The following STEAP3 variants were observed in gnomAD, a reference collection of about 807,000 sequenced individuals.
STEAP3 encodes the protein STEAP3 metalloreductase, also known as metalloreductase STEAP3.
STEAP3 carries 35 observed loss-of-function variants against 34.9 expected under a neutral mutation model. The observed-to-expected ratio is 1.00, with a 90% CI of 0.76 to 1.33. The LOEUF (loss-of-function observed/expected upper bound fraction) is 1.33. Among genes scored for constraint, STEAP3 ranks in the 40% most tolerant of loss-of-function variants. The probability of loss-of-function intolerance (pLI) is 0.00; values close to 1 mark genes in which losing one functional copy is unlikely to be tolerated. For synonymous variants in STEAP3, 281 were observed against 301.6 expected (o/e 0.93, Z 0.71); for missense variants, 652 against 667.6 (o/e 0.98, Z 0.26).
intron 5 of STEAP3, among the ~76,000 whole-genome samples, chr2:119,262,091 T>G (rs2104853143): frequency 6.6e-6 from 1 of 152,312 alleles, no homozygotes; most frequent in East Asian, 1.9e-4. Context: ...TGGGGCTTTC[T>G]ATACGGTGCC....
chr2:119,258,553 ATC>A (rs1261692965), intron 5 of STEAP3, among the ~76,000 whole-genome samples: 2 of 148,826 alleles, frequency 1.3e-5, no homozygotes, highest in Admixed American at 6.7e-5. Flanking sequence ...TTGTTCCCAA[ATC>A]TGTTTTCAAA....
intron 3 of STEAP3, 27 bp downstream of exon 3, chr2:119,246,015 C>A: frequency 6.3e-7 from 1 of 1,587,578 alleles, no homozygotes; most frequent in Non-Finnish European, 8.6e-7. Context: ...TAATACCCAT[C>A]GTAACAATAA....
At chr2:119,236,397 A>G (rs916434502) in intron 2 of STEAP3, among the ~76,000 whole-genome samples, 1 of 152,146 alleles carries the variant, frequency 6.6e-6, no homozygotes, top group African/African-American at 2.4e-5. Flanking sequence ...GTCTGGTGGG[A>G]TATGAAATTC....
chr2:119,256,714 T>G (rs1280746377), intron 5 of STEAP3, among the ~76,000 whole-genome samples: 1 of 152,134 alleles, frequency 6.6e-6, no homozygotes, highest in Non-Finnish European at 1.5e-5. Context: ...GTGCCTGCCT[T>G]CCATCCACAA....
intron 5 of STEAP3, among the ~76,000 whole-genome samples, chr2:119,255,827 A>G (rs1020718669): frequency 3.3e-5 from 5 of 152,178 alleles, no homozygotes; most frequent in Admixed American, 3.3e-4. Flanking sequence ...TTGTTCATTC[A>G]ACAAACATTT....
Position 119,230,853 on chromosome 2 carries a change from C to T in STEAP3, c.-160C>T. On this transcript the variant is annotated 5_prime_UTR_variant, in exon 2 of 6. Coordinates refer to ENST00000393110, the MANE Select transcript of STEAP3 (RefSeq NM_182915.3). ...CTGGCGTGCAGGCTGCGGGAGGCAG[C>T]TGGCTGTGCAAGACCCTGGCAGGGC... 1.1e-6 allele frequency: 1 copy of T among 891,140 alleles called. No individual in the cohort carries two copies. The highest frequency in any genetic ancestry group is 1.5e-5 in the South Asian group (1 of 67,528). The allele number at this position is 891,140 out of a possible 1,614,324, so 55.2% of individuals were successfully genotyped here. A position where few individuals can be genotyped will look rare whatever the true frequency, so the allele number is the denominator to read the frequency against.
rs1219721555 is a variant in STEAP3, at chr2:119,245,762, T to C, written c.296T>C (p.Val99Ala). 6.2e-7 allele frequency: 1 copy of C among 1,614,202 alleles called. No homozygotes were observed. The highest frequency in any genetic ancestry group is 1.7e-5 in the Admixed American group (1 of 60,032). Reference sequence around the variant, plus strand: ...GTGAGCTCCCCGGAGGTCATCTTTGTGGCTGTGTTCCGGGAGCACTACTCT... The same window carrying C: ...GTGAGCTCCCCGGAGGTCATCTTTGCGGCTGTGTTCCGGGAGCACTACTCT... ...EAVSSPEVIF[V>A]AVFREHYSSL... is the part of the protein sequence containing the mutation. Residue 99 changes from valine (V) to alanine (A), a missense_variant, in exon 3 of 6, where the codon GTG becomes GCG. By Grantham distance (64) the Val-to-Ala change is moderately conservative (BLOSUM62 0). Coordinates refer to ENST00000393110, the MANE Select transcript of STEAP3 (RefSeq NM_182915.3).
chr2:119,256,092 A>T (rs144554071), intron 5 of STEAP3, among the ~76,000 whole-genome samples: 98 of 152,046 alleles, frequency 6.4e-4, no homozygotes, highest in Middle Eastern at 3.4e-3. Flanking sequence ...CATCCTATCC[A>T]CCCCCACTAT....
At chr2:119,229,256 C>T (rs1158945527) in intron 1 of STEAP3, among the ~76,000 whole-genome samples, 1 of 152,198 alleles carries the variant, frequency 6.6e-6, no homozygotes, top group African/African-American at 2.4e-5. Context: ...AATTCTCGTG[C>T]CTCAGCCTCC....
intron 4 of STEAP3, among the ~76,000 whole-genome samples, chr2:119,254,068 T>C (rs1677703225): frequency 6.6e-6 from 1 of 151,954 alleles, no homozygotes; most frequent in Non-Finnish European, 1.5e-5. Context: ...TCAGTGTCTG[T>C]ATGTGTCTTT....
rs1678943930 is a variant in STEAP3, at chr2:119,223,856, T to G, written c.-426T>G. On this transcript the variant is annotated 5_prime_UTR_variant, in exon 1 of 6. Coordinates refer to ENST00000393110, the MANE Select transcript of STEAP3 (RefSeq NM_182915.3). ...ACCGCCTTCGCCGCGGACCTTCAGCTGCCGCGGTCGCTCCGAGCGGCGGGC... is the reference window on the plus strand; with the variant it reads ...ACCGCCTTCGCCGCGGACCTTCAGCGGCCGCGGTCGCTCCGAGCGGCGGGC... 1 of 152,178 alleles carries G rather than the reference T, an allele frequency of 6.6e-6. No homozygotes were observed. The highest frequency in any genetic ancestry group is 2.1e-4 in the South Asian group (1 of 4,836). 9.4% of individuals were successfully genotyped at this position (152,178 alleles called of 1,614,324 possible).
intron 4 of STEAP3, chr2:119,249,200 C>A (rs1241987771): frequency 6.6e-6 from 1 of 152,170 alleles, no homozygotes; most frequent in Non-Finnish European, 1.5e-5. Flanking sequence ...ACTAATCATT[C>A]ATTTAGAAAA....
intron 1 of STEAP3, among the ~76,000 whole-genome samples, chr2:119,224,503 C>A (rs1248039077): frequency 6.6e-6 from 1 of 152,160 alleles, no homozygotes; most frequent in Non-Finnish European, 1.5e-5. Context: ...TGCCCACTTC[C>A]CCGAAATTTG....
At position 119,260,025 on chromosome 2, in the gene STEAP3, C is replaced by T. The variant is rs145552889; in HGVS notation, c.1216-3032C>T. Among the ~76,000 whole-genome samples, 433 of 152,330 alleles carry T rather than the reference C, an allele frequency of 2.8e-3. 2 individuals are homozygous for T. The highest frequency in any genetic ancestry group is 9.7e-3 in the African/African-American group (405 of 41,576). On this transcript the variant is annotated intron_variant, in intron 5 of 5. Transcript: ENST00000393110. Reference sequence around the variant, plus strand: ...TCATCCGCCGAACCTTAAAAAACAACAGATGCCCCGCCCCAAACCAACTTA... The same window carrying T: ...TCATCCGCCGAACCTTAAAAAACAATAGATGCCCCGCCCCAAACCAACTTA...
At chr2:119,234,386 T>A (rs1448071057) in intron 2 of STEAP3, among the ~76,000 whole-genome samples, 1 of 152,216 alleles carries the variant, frequency 6.6e-6, no homozygotes, top group East Asian at 1.9e-4. Flanking sequence ...CACTGCCTGA[T>A]GGCCTCCAAC....
intron 5 of STEAP3, among the ~76,000 whole-genome samples, chr2:119,255,804 T>C (rs1343243286): frequency 6.6e-6 from 1 of 151,942 alleles, no homozygotes; most frequent in Non-Finnish European, 1.5e-5. Flanking sequence ...GTGGCAAAAG[T>C]TTCTTTTTGC....
chr2:119,246,300 A>G (rs1381235789), intron 3 of STEAP3: 8 of 328,504 alleles, frequency 2.4e-5, no homozygotes, highest in Non-Finnish European at 4.5e-5. Flanking sequence ...TGGAGCCAAG[A>G]AGGAGAGAGA....
At chr2:119,234,183 C>G (rs931324770) in intron 2 of STEAP3, among the ~76,000 whole-genome samples, 2 of 152,182 alleles carry the variant, frequency 1.3e-5, no homozygotes, top group Non-Finnish European at 2.9e-5. Flanking sequence ...TTCCTAACCC[C>G]ACGGCTCACC....
chr2:119,255,746 T>TAAA (rs56050427), intron 5 of STEAP3, among the ~76,000 whole-genome samples: 14 of 147,864 alleles, frequency 9.5e-5, no homozygotes, highest in African/African-American at 2.2e-4. Context: ...CCTTGCCTCT[T>TAAA]AAAAAAAAAA....
Sources: allele counts gnomAD v4.1 joint callset (sites outside exome capture counted in the v4.1 genomes callset), GRCh38; gene constraint gnomAD v4.1.1; transcripts MANE v1.5; gene names NCBI Gene and HGNC (gene_info 2026-07-23, HGNC 2026-07-21).